The following GGTA1 variants were observed in gnomAD, a reference collection of about 807,000 sequenced individuals.
GGTA1 encodes the protein inactive N-acetyllactosaminide alpha-1,3-galactosyltransferase.
A neutral mutation model predicts 2.6 loss-of-function variants in GGTA1; 5 were observed. That is an observed-to-expected ratio of 1.92 (90% confidence interval 1.00 to 4.04). GGTA1 has a LOEUF of 4.04. GGTA1 is among the 30% of genes most tolerant of loss of function. The pLI is 0.00. For synonymous variants in GGTA1, 17 were observed against 5.0 expected (o/e 3.38, Z -3.19); for missense variants, 50 against 16.7 (o/e 2.99, Z -3.47).
chr9:121,483,318 C>T (rs1828694131), intron 1 of GGTA1, among the ~76,000 whole-genome samples: 1 of 152,198 alleles, frequency 6.6e-6, no homozygotes, highest in Non-Finnish European at 1.5e-5. Flanking sequence ...CTCCAGGGAA[C>T]ACTACTGATC....
intron 3 of GGTA1, 64 bp downstream of exon 3, chr9:121,463,229 T>TG (rs1282621943): frequency 8.8e-6 from 4 of 452,484 alleles, no homozygotes; most frequent in Non-Finnish European, 1.8e-5. Flanking sequence ...AAGAATGGAC[T>TG]GTAGGGGGTG....
At chr9:121,485,932 C>T (rs1589337259) in intron 1 of GGTA1, among the ~76,000 whole-genome samples, 1 of 152,288 alleles carries the variant, frequency 6.6e-6, no homozygotes, top group East Asian at 1.9e-4. Context: ...CTCAAAACAA[C>T]AACACCACCA....
chr9:121,476,547 T>G lies in GGTA1; in HGVS notation c.-9-8616A>C, dbSNP rs964156162. 6.6e-6 allele frequency among the ~76,000 whole-genome samples: 1 copy of G among 152,156 alleles called. No homozygotes were observed. Among genetic ancestry groups the G allele is most frequent in the Admixed American group, 6.5e-5 (1 of 15,276 alleles). On this transcript the variant is annotated intron_variant, in intron 1 of 5. Transcript: ENST00000481799. The surrounding 1 kb of genome is among the most constrained non-coding windows in gnomAD (Gnocchi z 4.6). Reference sequence around the variant, plus strand: ...TCAGCCTCAGGGATGTAAACCTCATTTTTTGAGGGCAGTTCTTTTAGCCAC... The same window carrying G: ...TCAGCCTCAGGGATGTAAACCTCATGTTTTGAGGGCAGTTCTTTTAGCCAC...
intron 3 of GGTA1, among the ~76,000 whole-genome samples, chr9:121,462,184 G>A (rs2064965622): frequency 6.6e-6 from 1 of 152,132 alleles, no homozygotes; most frequent in Admixed American, 6.5e-5. Flanking sequence ...AATTAGCCGG[G>A]CGTGGTGGCA....
exon 8 of GGTA1, chr9:121,445,033 T>A (rs966437835): frequency 1.5e-4 from 23 of 152,358 alleles, no homozygotes; most frequent in South Asian, 2.1e-4. Context: ...GGACATTTTT[T>A]AAAAAGTTTA....
chr9:121,499,727 C>T lies in GGTA1; in HGVS notation c.-87G>A, dbSNP rs1829065862. ...GCAGGACCGCGCCCAGCTCCCGGCC[C>T]CGGCGAAGCCCTACGCGCTCTGATC... On this transcript the variant is annotated 5_prime_UTR_variant, in exon 1 of 6. Transcript: ENST00000481799. The T allele has an allele frequency of 6.6e-6, 1 of 151,950 alleles. No homozygotes were observed. The highest frequency in any genetic ancestry group is 6.5e-5 in the Admixed American group (1 of 15,272). 9.4% of individuals were successfully genotyped at this position (151,950 alleles called of 1,614,324 possible).
intron 2 of GGTA1, among the ~76,000 whole-genome samples, chr9:121,466,469 T>C (rs2065005782): frequency 6.6e-6 from 1 of 152,200 alleles, no homozygotes; most frequent in South Asian, 2.1e-4. Flanking sequence ...TAGTTTGTCA[T>C]GTTTTTCTTA....
chr9:121,481,406 G>A (rs938208908), intron 1 of GGTA1, among the ~76,000 whole-genome samples: 11 of 152,188 alleles, frequency 7.2e-5, no homozygotes, highest in Admixed American at 3.9e-4. Flanking sequence ...GGCCAAACTG[G>A]CAGGGGGCGG....
At chr9:121,467,134 T>C (rs2065010849) in intron 2 of GGTA1, among the ~76,000 whole-genome samples, 1 of 152,162 alleles carries the variant, frequency 6.6e-6, no homozygotes, top group African/African-American at 2.4e-5. Context: ...TCCAGTCTTT[T>C]GAGTCAAAGG....
At chr9:121,492,990 A>G (rs1051867686) in intron 1 of GGTA1, among the ~76,000 whole-genome samples, 1 of 151,900 alleles carries the variant, frequency 6.6e-6, no homozygotes, top group African/African-American at 2.4e-5. Flanking sequence ...CTAAAAATAC[A>G]AAAATTAGCT....
chr9:121,485,956 A>G (rs1828746836), intron 1 of GGTA1, among the ~76,000 whole-genome samples: 1 of 152,166 alleles, frequency 6.6e-6, no homozygotes, highest in Non-Finnish European at 1.5e-5. Flanking sequence ...CCAAAAACCC[A>G]TTTGTGATTC....
At chr9:121,460,897 T>C (rs2064955248) in intron 4 of GGTA1, among the ~76,000 whole-genome samples, 1 of 151,078 alleles carries the variant, frequency 6.6e-6, no homozygotes, top group African/African-American at 2.4e-5. Flanking sequence ...AGCCCCCAAG[T>C]TAACTGAAAC....
intron 1 of GGTA1, among the ~76,000 whole-genome samples, chr9:121,488,401 G>A (rs1247362287): frequency 1.3e-5 from 2 of 152,062 alleles, no homozygotes; most frequent in Admixed American, 6.6e-5. Flanking sequence ...TGAACCAAAC[G>A]CAAGGGTTAT....
chr9:121,478,952 C>T (rs1828575525), intron 1 of GGTA1: 2 of 427,956 alleles, frequency 4.7e-6, no homozygotes, highest in Non-Finnish European at 9.1e-6. Context: ...AGCCCCAAGA[C>T]TTGCCCCCTG....
chr9:121,455,311 A>G lies in GGTA1; in HGVS notation c.*526T>C, dbSNP rs1427709830. The G allele has an allele frequency of 6.6e-6, 1 of 152,242 alleles. No individual in the cohort carries two copies. The highest frequency in any genetic ancestry group is 2.4e-5 in the African/African-American group (1 of 41,456). The allele number at this position is 152,242 out of a possible 1,614,324, so 9.4% of individuals were successfully genotyped here. A position where few individuals can be genotyped will look rare whatever the true frequency, so the allele number is the denominator to read the frequency against. On this transcript the variant is annotated 3_prime_UTR_variant, in exon 6 of 6. Transcript: ENST00000481799. Reference sequence around the variant, plus strand: ...CATTGCATCTTAGTTTTAGCTTGTCAAAGATCTTTTAGTAGCTCTAACATA... The same window carrying G: ...CATTGCATCTTAGTTTTAGCTTGTCGAAGATCTTTTAGTAGCTCTAACATA...
chr9:121,491,619 T>C (rs566286082), intron 1 of GGTA1, among the ~76,000 whole-genome samples: 1 of 152,154 alleles, frequency 6.6e-6, no homozygotes, highest in Non-Finnish European at 1.5e-5. Flanking sequence ...TTTCTTGTTT[T>C]CTTTTTTTGA....
At chr9:121,465,018 AC>A (rs66695509) in intron 2 of GGTA1, among the ~76,000 whole-genome samples, 5,757 of 144,486 alleles carry the variant, frequency 0.04, 403 homozygotes, top group Non-Finnish European at 0.055. Context: ...AAAAAAAAAA[AC>A]AAAAAACAAC....
At chr9:121,480,260 G>A (rs936579477) in intron 1 of GGTA1, among the ~76,000 whole-genome samples, 1 of 151,862 alleles carries the variant, frequency 6.6e-6, no homozygotes, top group Non-Finnish European at 1.5e-5. Flanking sequence ...GTTTCACCAC[G>A]TTGGCCAGGA....
chr9:121,483,652 C>G (rs1043125820), intron 1 of GGTA1, among the ~76,000 whole-genome samples: 6 of 152,156 alleles, frequency 3.9e-5, no homozygotes, highest in African/African-American at 1.4e-4. Context: ...ATGGATCTAT[C>G]AGATAACAGC....
Sources: gnomAD v4.1 joint callset for allele counts (sites outside exome capture counted in the v4.1 genomes callset) on GRCh38, gnomAD v4.1.1 for gene constraint, Gnocchi (gnomAD v3.1) non-coding constraint, MANE v1.5 for transcripts, NCBI Gene and HGNC (gene_info 2026-07-23, HGNC 2026-07-21) for gene names.